Variants in NOS1 observed in about 807,000 individuals in gnomAD.
NOS1 encodes the protein nitric oxide synthase 1.
NOS1 carries 51 observed loss-of-function variants against 164.5 expected under a neutral mutation model. That is an observed-to-expected ratio of 0.31 (90% CI 0.25 to 0.39). The LOEUF (loss-of-function observed/expected upper bound fraction) is 0.39. Ranked by LOEUF, NOS1 falls within the 10% of genes least tolerant of loss-of-function variation. The probability of loss-of-function intolerance (pLI) is 1.00; values close to 1 mark genes in which losing one functional copy is unlikely to be tolerated. For synonymous variants in NOS1, 719 were observed against 745.8 expected (o/e 0.96, Z 0.59); for missense variants, 1,362 against 1,885.6 (o/e 0.72, Z 5.14).
intron 2 of NOS1, among the ~76,000 whole-genome samples, chr12:117,319,227 A>AT (rs3837438): frequency 0.19 from 29,425 of 152,012 alleles, 3,434 homozygotes; most frequent in East Asian, 0.35. Context: ...AGTTTTTAAA[A>AT]TTTTTTGTAG....
At chr12:117,337,116 T>A (rs1240230111) in intron 1 of NOS1, among the ~76,000 whole-genome samples, 5 of 104,508 alleles carry the variant, frequency 4.8e-5, no homozygotes, top group Admixed American at 1.1e-4. Context: ...CTTTTTTTTT[T>A]TTTTTTTTTT....
intron 2 of NOS1, among the ~76,000 whole-genome samples, chr12:117,312,456 T>C (rs1874478028): frequency 6.6e-6 from 1 of 152,106 alleles, no homozygotes; most frequent in Non-Finnish European, 1.5e-5. Flanking sequence ...TGTCCTGTCA[T>C]CCCAGCTGGA....
At chr12:117,304,494 C>T (rs1003749962) in intron 3 of NOS1, among the ~76,000 whole-genome samples, 3 of 152,090 alleles carry the variant, frequency 2.0e-5, no homozygotes, top group Admixed American at 6.6e-5. Flanking sequence ...CACACACATC[C>T]GTGAGGGTCT....
chr12:117,360,103 A>T (rs1566090951), intron 1 of NOS1, among the ~76,000 whole-genome samples: 1 of 151,270 alleles, frequency 6.6e-6, no homozygotes, highest in Non-Finnish European at 1.5e-5. Flanking sequence ...CGCAACAAGT[A>T]AAGGGTCGAT....
intron 24 of NOS1, 102 bp from the exon 25 acceptor site, chr12:117,225,239 A>G (rs1024407561): frequency 2.1e-6 from 3 of 1,456,982 alleles, no homozygotes; most frequent in South Asian, 2.7e-5. Context: ...TAGACATACA[A>G]TGAGACTTAA....
At chr12:117,248,767 G>T (rs1188624100) in intron 17 of NOS1, among the ~76,000 whole-genome samples, 6 of 151,762 alleles carry the variant, frequency 4.0e-5, no homozygotes, top group Non-Finnish European at 8.8e-5. Context: ...CTGAGGAATT[G>T]CCACACTGAC....
At chr12:117,236,074 A>T (rs911485308) in intron 20 of NOS1, among the ~76,000 whole-genome samples, 1 of 152,128 alleles carries the variant, frequency 6.6e-6, no homozygotes, top group Non-Finnish European at 1.5e-5. Flanking sequence ...AACAAACCCC[A>T]TATCTGTATT....
At chr12:117,222,331 C>T (rs1056917233) in intron 26 of NOS1, among the ~76,000 whole-genome samples, 3 of 152,214 alleles carry the variant, frequency 2.0e-5, no homozygotes, top group African/African-American at 7.2e-5. Context: ...TCTCAGCTCA[C>T]TGCAATCTCT....
At chr12:117,268,749 C>T (rs906660119) in intron 10 of NOS1, among the ~76,000 whole-genome samples, 18 of 151,594 alleles carry the variant, frequency 1.2e-4, no homozygotes, top group East Asian at 5.8e-4. Context: ...GCCACCACGC[C>T]GGGCTAATTT....
Position 117,311,467 on chromosome 12 carries a change from T to G in NOS1, c.851A>C (p.Gln284Pro). 1 of 1,604,194 alleles carries G rather than the reference T, an allele frequency of 6.2e-7. No homozygotes were observed. Among genetic ancestry groups the G allele is most frequent in the South Asian group, 1.1e-5 (1 of 87,958 alleles). ...VLNNPYSEKE[Q>P]PPTSGKQSPT... ...ACCAGCTTGGCATCAAGCACTTACC[T>G]GCTCCTTCTCTGAATATGGGTTGTT... The change falls in exon 3 of 29, where the codon CAG (glutamine) becomes CCG (proline). Residue 284 changes from glutamine to proline, a missense_variant and splice_region_variant. Physicochemically the swap from Gln to Pro is moderately conservative, Grantham distance 76. Transcript: ENST00000317775.
chr12:117,281,593 T>C (rs1004292606), intron 7 of NOS1, among the ~76,000 whole-genome samples: 2 of 150,162 alleles, frequency 1.3e-5, no homozygotes, highest in Non-Finnish European at 3.0e-5. Flanking sequence ...CCCAGCACTT[T>C]GGGAGGCCAA....
rs894083087 is a variant in NOS1 at position 117,226,547 on chromosome 12, A to G, written c.3704+136T>C. On this transcript the variant is annotated intron_variant, in intron 24 of 28. Transcript: ENST00000317775. ...CTTGTTTCCTTAACAACTAAGAGAG[A>G]CGCAGGACATTGGTCTCCATCGTGT... 10 of 697,442 alleles carry G rather than the reference A, an allele frequency of 1.4e-5. No individual in the cohort carries two copies. In the African/African-American group the frequency reaches 1.8e-4, roughly 12 times the overall value. The allele number at this position is 697,442 out of a possible 1,614,324, so 43.2% of individuals were successfully genotyped here.
chr12:117,288,106 C>T lies in NOS1; in HGVS notation c.1095G>A (p.Glu365=). 1.2e-6 allele frequency: 2 copies of T among 1,614,226 alleles called. No homozygotes were observed. Among genetic ancestry groups the T allele is most frequent in the Non-Finnish European group, 1.7e-6 (2 of 1,180,038 alleles). The part of the protein sequence containing the change: ...TKGQLFPLAK[E]FIDQYYSSIK... ...TTGATGAATAGTATTGATCAATAAA[C>T]TCTTTGGCGAGAGGGAAGAGCTGTC... The change falls in exon 5 of 29, where the codon GAG becomes GAA. Residue 365 remains glutamate (E), a synonymous_variant. Coordinates refer to ENST00000317775, the MANE Select transcript of NOS1 (RefSeq NM_000620.5).
chr12:117,296,009 CACTTAACACT>C (rs1236345864), intron 3 of NOS1, among the ~76,000 whole-genome samples: 1 of 152,018 alleles, frequency 6.6e-6, no homozygotes, highest in Non-Finnish European at 1.5e-5. Flanking sequence ...TTCCCCATAG[CACTTAACACT>C]ACCTGTGGTC....
chr12:117,346,722 A>G (rs1876368479), intron 1 of NOS1, among the ~76,000 whole-genome samples: 2 of 152,120 alleles, frequency 1.3e-5, no homozygotes, highest in Admixed American at 6.5e-5. Context: ...TTATGTGCAC[A>G]CTGGAGTTTG....
chr12:117,238,893 A>G (rs7959232), intron 20 of NOS1, among the ~76,000 whole-genome samples: 70,611 of 152,074 alleles, frequency 0.46, 18,823 homozygotes, highest in African/African-American at 0.71. Context: ...AAAAAGGAAA[A>G]ATTCTTCCGT....
At chr12:117,269,464 GTTTTTTTTTTTTT>G (rs1164630635) in intron 10 of NOS1, among the ~76,000 whole-genome samples, 1 of 118,422 alleles carries the variant, frequency 8.4e-6, no homozygotes, top group Admixed American at 9.3e-5. Flanking sequence ...CTGGAGATTT[GTTTTTTTTTTTTT>G]TTTTTTTTTA....
chr12:117,346,484 A>C lies in NOS1; in HGVS notation c.-420-14995T>G, dbSNP rs192563233. Among the ~76,000 whole-genome samples, 3 of 152,308 alleles carry C rather than the reference A, an allele frequency of 2.0e-5. No individual in the cohort carries two copies. The East Asian group carries it at 5.8e-4, about 29-fold the overall frequency. ...AGACTCTGTCTCAGAAAACAAAAACAAAAACAAAACTTGGATTCAGAAAAA... is the reference window on the plus strand; with the variant it reads ...AGACTCTGTCTCAGAAAACAAAAACCAAAACAAAACTTGGATTCAGAAAAA... On this transcript the variant is annotated intron_variant, in intron 1 of 28. Coordinates refer to ENST00000317775, the MANE Select transcript of NOS1 (RefSeq NM_000620.5).
chr12:117,208,389 A>AGTGTGTGTGTGTGTGTGT lies in NOS1; in HGVS notation c.*6919_*6920insACACACACACACACACAC, dbSNP rs1566016990. On this transcript the variant is annotated 3_prime_UTR_variant, in exon 29 of 29. Coordinates refer to ENST00000317775, the MANE Select transcript of NOS1 (RefSeq NM_000620.5). Reference sequence around the variant, plus strand: ...TAGGGGGGACGGCCGAGTTTCTGACAGCGTGTGTGTGTGTGTGTGTGTGTG... The same window carrying AGTGTGTGTGTGTGTGTGT: ...TAGGGGGGACGGCCGAGTTTCTGACAGTGTGTGTGTGTGTGTGTGCGTGTGTGTGTGTGTGTGTGTGTG... 2.2e-6 allele frequency: 2 copies of AGTGTGTGTGTGTGTGTGT among 913,624 alleles called. No individual in the cohort carries two copies. 56.6% of individuals were successfully genotyped at this position (913,624 alleles called of 1,614,324 possible).
Sources: allele counts gnomAD v4.1 joint callset (sites outside exome capture counted in the v4.1 genomes callset), GRCh38; gene constraint gnomAD v4.1.1; transcripts MANE v1.5; gene names NCBI Gene and HGNC (gene_info 2026-07-23, HGNC 2026-07-21).